Variants in NTRK2 observed in about 807,000 individuals in gnomAD.
The protein encoded by NTRK2 is BDNF/NT-3 growth factors receptor.
NTRK2 carries 13 observed loss-of-function variants against 94.5 expected under a neutral mutation model. The observed-to-expected ratio is 0.14, with a 90% CI of 0.09 to 0.22. The LOEUF (loss-of-function observed/expected upper bound fraction) is 0.22. Ranked by LOEUF, NTRK2 falls within the 10% of genes least tolerant of loss-of-function variation. The pLI, the probability that NTRK2 is intolerant of heterozygous loss-of-function variation, is 1.00. For synonymous variants in NTRK2, 372 were observed against 407.4 expected (o/e 0.91, Z 1.05); for missense variants, 639 against 1,071.2 (o/e 0.60, Z 5.63).
Position 84,724,365 on chromosome 9 carries a change from T to C in NTRK2, c.853+9T>C, listed in dbSNP as rs1409837303. ...CAACCTCACTGTGCATTGTACGTAA[T>C]CAGACTGGCATGTGTTTTTAATAGC... On this transcript the variant is annotated intron_variant, in intron 8 of 18. Coordinates refer to ENST00000277120, the MANE Select transcript of NTRK2 (RefSeq NM_006180.6). 3.1e-6 allele frequency: 5 copies of C among 1,614,134 alleles called. No homozygotes were observed. The highest frequency in any genetic ancestry group is 4.2e-6 in the Non-Finnish European group (5 of 1,179,988).
At chr9:84,724,190 T>C (rs1368827397) in intron 7 of NTRK2, 34 bp from the exon 8 acceptor site, 2 of 1,613,748 alleles carry the variant, frequency 1.2e-6, no homozygotes, top group Non-Finnish European at 1.7e-6. Context: ...TCAATCCTAA[T>C]CAAGGTTATT....
chr9:84,973,208 G>A lies in NTRK2; in HGVS notation c.2172+17691G>A, dbSNP rs117711579. Among the ~76,000 whole-genome samples, 1,017 of 152,284 alleles carry A rather than the reference G, an allele frequency of 6.7e-3. 10 individuals are homozygous for A. The highest frequency in any genetic ancestry group is 0.011 in the Non-Finnish European group (780 of 68,016). On this transcript the variant is annotated intron_variant, in intron 17 of 18. Coordinates refer to ENST00000277120, the MANE Select transcript of NTRK2 (RefSeq NM_006180.6). ...CACAGCTCACTGTGAATAATTAAGT[G>A]GCAGTAGTTAAGAGAAAAAGGGGAA...
intron 2 of NTRK2, among the ~76,000 whole-genome samples, chr9:84,687,714 C>G (rs957313063): frequency 6.6e-6 from 1 of 152,198 alleles, no homozygotes; most frequent in Non-Finnish European, 1.5e-5. Context: ...GATTGATTGA[C>G]TGACTCATGC....
At chr9:84,878,231 A>C (rs1371506189) in intron 14 of NTRK2, among the ~76,000 whole-genome samples, 1 of 152,266 alleles carries the variant, frequency 6.6e-6, no homozygotes, top group Non-Finnish European at 1.5e-5. Flanking sequence ...TATGAAGAAA[A>C]TATCAAAATT....
chr9:84,813,099 C>A (rs2071995367), intron 12 of NTRK2: 2 of 1,039,476 alleles, frequency 1.9e-6, no homozygotes, highest in East Asian at 1.2e-4. Flanking sequence ...TGCATTATTG[C>A]AGCATTAGAA....
intron 17 of NTRK2, among the ~76,000 whole-genome samples, chr9:85,006,750 C>T (rs1831013163): frequency 6.6e-6 from 1 of 152,172 alleles, no homozygotes; most frequent in Non-Finnish European, 1.5e-5. Flanking sequence ...TCTATATGTT[C>T]ATTACCCTAT....
At chr9:84,875,844 A>T (rs199541098) in intron 14 of NTRK2, 3 of 1,043,262 alleles carry the variant, frequency 2.9e-6, no homozygotes, top group Non-Finnish European at 1.2e-6. Context: ...CAATAGTATG[A>T]CATCCAATAA....
At chr9:84,695,179 C>A (rs771674747) in intron 2 of NTRK2, among the ~76,000 whole-genome samples, 4 of 151,906 alleles carry the variant, frequency 2.6e-5, no homozygotes, top group Non-Finnish European at 5.9e-5. Context: ...TTTGAAGAGT[C>A]ACCATTTGAA....
intron 12 of NTRK2, among the ~76,000 whole-genome samples, chr9:84,796,391 A>G (rs1022165146): frequency 6.6e-6 from 1 of 152,196 alleles, no homozygotes; most frequent in African/African-American, 2.4e-5. Context: ...CCTTCTAGCT[A>G]TATCTCAGTG....
At chr9:84,833,579 C>T (rs911771049) in intron 12 of NTRK2, among the ~76,000 whole-genome samples, 4 of 135,806 alleles carry the variant, frequency 2.9e-5, no homozygotes, top group Non-Finnish European at 6.2e-5. Flanking sequence ...AGAGGAGAGA[C>T]AGAAGGAAAG....
intron 14 of NTRK2, among the ~76,000 whole-genome samples, chr9:84,933,010 C>T (rs1165528375): frequency 6.6e-6 from 1 of 152,184 alleles, no homozygotes; most frequent in Non-Finnish European, 1.5e-5. Context: ...CATTCCCAGA[C>T]TGTAAATCTT....
intron 6 of NTRK2, among the ~76,000 whole-genome samples, chr9:84,711,401 G>C (rs1176092045): frequency 6.6e-6 from 1 of 152,174 alleles, no homozygotes; most frequent in African/African-American, 2.4e-5. Context: ...AAAGGGCACC[G>C]AATGGCAAAA....
intron 12 of NTRK2, among the ~76,000 whole-genome samples, chr9:84,825,454 C>A (rs1474664856): frequency 1.3e-5 from 2 of 152,164 alleles, no homozygotes; most frequent in Non-Finnish European, 2.9e-5. Context: ...GCTGCCTACT[C>A]CACTTGGTTT....
chr9:84,875,356 GGTAA>G (rs2076023476), intron 14 of NTRK2: 8 of 1,060,520 alleles, frequency 7.5e-6, no homozygotes, highest in Non-Finnish European at 9.1e-6. Flanking sequence ...ACTCTCATAT[GGTAA>G]GTATCACAGA....
intron 12 of NTRK2, among the ~76,000 whole-genome samples, chr9:84,798,393 T>C (rs2069894522): frequency 6.6e-6 from 1 of 152,118 alleles, no homozygotes; most frequent in Non-Finnish European, 1.5e-5. Flanking sequence ...ATCAAAACAA[T>C]GGGTTCTGTT....
chr9:84,724,476 G>T, intron 8 of NTRK2, 120 bp downstream of exon 8: 1 of 1,112,144 alleles, frequency 9.0e-7, no homozygotes, highest in Non-Finnish European at 1.4e-6. Context: ...GCAGTGTTTT[G>T]TGCATACTCT....
At chr9:84,934,000 T>G (rs2078128854) in intron 14 of NTRK2, among the ~76,000 whole-genome samples, 162 bp from the exon 15 acceptor site, 1 of 152,214 alleles carries the variant, frequency 6.6e-6, no homozygotes, top group African/African-American at 2.4e-5. Context: ...CCCAGCCATT[T>G]GGGGTGGACT....
At chr9:85,014,090 G>A (rs953581444) in intron 17 of NTRK2, among the ~76,000 whole-genome samples, 1 of 152,184 alleles carries the variant, frequency 6.6e-6, no homozygotes, top group Admixed American at 6.5e-5. Context: ...TTTTGGTGGG[G>A]TATGATCCTT....
intron 14 of NTRK2, among the ~76,000 whole-genome samples, chr9:84,894,296 C>T (rs185094362): frequency 2.6e-5 from 4 of 152,166 alleles, no homozygotes; most frequent in South Asian, 2.1e-4. Context: ...TGTAGTTTAA[C>T]GCGACACAGT....
Sources: allele counts gnomAD v4.1 joint callset (sites outside exome capture counted in the v4.1 genomes callset), GRCh38; gene constraint gnomAD v4.1.1; transcripts MANE v1.5; gene names NCBI Gene and HGNC (gene_info 2026-07-23, HGNC 2026-07-21).